The following AGMO variants were observed in gnomAD, a reference collection of about 807,000 sequenced individuals.
The protein encoded by AGMO is alkylglycerol monooxygenase.
In AGMO, 75 loss-of-function variants were observed where a neutral mutation model predicts 60.2. The observed-to-expected ratio is 1.25, with a 90% CI of 1.03 to 1.51. The LOEUF is 1.51. Among genes scored for constraint, AGMO ranks in the 40% most tolerant of loss-of-function variants. The probability of loss-of-function intolerance (pLI) is 0.00; values close to 1 mark genes in which losing one functional copy is unlikely to be tolerated. For synonymous variants in AGMO, 261 were observed against 177.1 expected, an observed-to-expected ratio of 1.47 and a Z score of -3.76; for missense variants, 763 against 525.5, an observed-to-expected ratio of 1.45 and a Z score of -4.42.
intron 12 of AGMO, among the ~76,000 whole-genome samples, chr7:15,207,964 T>G (rs1324311170): frequency 6.6e-6 from 1 of 151,770 alleles, no homozygotes; most frequent in Non-Finnish European, 1.5e-5. Flanking sequence ...AATAAGGAAA[T>G]AAATAAAGTG....
chr7:15,201,511 G>C, intron 12 of AGMO, 152 bp from the exon 13 acceptor site: 5 of 573,912 alleles, frequency 8.7e-6, no homozygotes, highest in Middle Eastern at 9.6e-4. Flanking sequence ...TTCACTGATA[G>C]AACTTAGCCA....
chr7:15,264,532 A>C (rs1783374641), intron 12 of AGMO, among the ~76,000 whole-genome samples: 1 of 152,010 alleles, frequency 6.6e-6, no homozygotes, highest in South Asian at 2.1e-4. Context: ...ATTCTCATTT[A>C]ATCTGACAAA....
intron 6 of AGMO, among the ~76,000 whole-genome samples, chr7:15,391,179 T>C (rs1784121360): frequency 6.6e-6 from 1 of 152,094 alleles, no homozygotes; most frequent in African/African-American, 2.4e-5. Context: ...GGAATAAATG[T>C]AAATAATTTT....
intron 3 of AGMO, among the ~76,000 whole-genome samples, chr7:15,447,868 C>T (rs185930002): frequency 5.3e-5 from 8 of 152,262 alleles, no homozygotes; most frequent in Admixed American, 5.2e-4. Flanking sequence ...GTTCTCACTT[C>T]TATGAGTGAG....
chr7:15,348,866 G>GA (rs201690400), intron 12 of AGMO, among the ~76,000 whole-genome samples: 145 of 150,106 alleles, frequency 9.7e-4, no homozygotes, highest in Admixed American at 2.7e-3. Flanking sequence ...TTAGCAAACT[G>GA]AAAAAAAAAT....
chr7:15,260,751 A>G (rs761711200), intron 12 of AGMO, among the ~76,000 whole-genome samples: 111 of 152,130 alleles, frequency 7.3e-4, no homozygotes, highest in Admixed American at 2.8e-3. Flanking sequence ...TTCAAGGTAC[A>G]TCATATGATG....
chr7:15,357,529 T>G (rs551372117), intron 12 of AGMO, among the ~76,000 whole-genome samples: 1 of 152,296 alleles, frequency 6.6e-6, no homozygotes, highest in East Asian at 1.9e-4. Flanking sequence ...TCCCCACCCT[T>G]TGATTTTCGG....
intron 12 of AGMO, among the ~76,000 whole-genome samples, chr7:15,272,325 C>T (rs902583801): frequency 3.3e-4 from 47 of 143,966 alleles, no homozygotes; most frequent in Non-Finnish European, 5.4e-4. Flanking sequence ...CTCCCCTTCC[C>T]GTGTCCAAGT....
At chr7:15,165,974 T>C in the AGMO span, among the ~76,000 whole-genome samples, 1 of 152,184 alleles carries the variant, frequency 6.6e-6, no homozygotes, top group South Asian at 2.1e-4. Flanking sequence ...AATATTCATA[T>C]GAAATCTTAC....
chr7:15,227,318 A>G (rs185007084), intron 12 of AGMO, among the ~76,000 whole-genome samples: 2 of 152,100 alleles, frequency 1.3e-5, no homozygotes, highest in Admixed American at 1.3e-4. Context: ...CTGATCAACC[A>G]TGTCCATGTA....
chr7:15,195,301 G>GAA, the AGMO span, among the ~76,000 whole-genome samples: 1 of 152,192 alleles, frequency 6.6e-6, no homozygotes, highest in Non-Finnish European at 1.5e-5. Flanking sequence ...ATAGGAGCAA[G>GAA]AAAGAGAAAA....
chr7:15,358,247 T>A (rs1004334644), intron 12 of AGMO: 1 of 256,488 alleles, frequency 3.9e-6, no homozygotes, highest in Non-Finnish European at 8.3e-6. Context: ...ATTGAATAGA[T>A]CAATAAAAAT....
At chr7:15,368,659 T>C (rs376567325) in intron 10 of AGMO, among the ~76,000 whole-genome samples, 1 of 152,082 alleles carries the variant, frequency 6.6e-6, no homozygotes, top group Non-Finnish European at 1.5e-5. Flanking sequence ...ATGGTTAGTA[T>C]TATTGTTACT....
intron 5 of AGMO, among the ~76,000 whole-genome samples, chr7:15,407,938 C>T (rs1424035202): frequency 2.4e-4 from 36 of 151,736 alleles, no homozygotes; most frequent in Admixed American, 2.2e-3. Flanking sequence ...AAACAGAGCT[C>T]GTGCTCCTAA....
At chr7:15,401,367 AAGT>A (rs1488744653) in intron 5 of AGMO, among the ~76,000 whole-genome samples, 1 of 152,108 alleles carries the variant, frequency 6.6e-6, no homozygotes, top group Non-Finnish European at 1.5e-5. Flanking sequence ...GCTTGGTTAA[AAGT>A]AGAGATGCAA....
At chr7:15,526,600 T>C (rs1784134782) in intron 3 of AGMO, among the ~76,000 whole-genome samples, 1 of 152,204 alleles carries the variant, frequency 6.6e-6, no homozygotes, top group Non-Finnish European at 1.5e-5. Flanking sequence ...CTTCTTGGGT[T>C]TGTGTTTTCC....
intron 5 of AGMO, among the ~76,000 whole-genome samples, chr7:15,405,542 A>T (rs1258257429): frequency 6.6e-6 from 1 of 151,894 alleles, no homozygotes; most frequent in East Asian, 1.9e-4. Context: ...CATGCAGGTG[A>T]CCCTACCCTT....
the AGMO span, among the ~76,000 whole-genome samples, chr7:15,176,345 C>T: frequency 6.6e-6 from 1 of 151,838 alleles, no homozygotes; most frequent in African/African-American, 2.4e-5. Context: ...ACAACTGACT[C>T]AGTTTTTCCC....
At chr7:15,154,099 G>A in the AGMO span, among the ~76,000 whole-genome samples, 1 of 152,070 alleles carries the variant, frequency 6.6e-6, no homozygotes, top group Non-Finnish European at 1.5e-5. Flanking sequence ...GTTACTGTTT[G>A]CTGATGATAT....
Sources: gnomAD v4.1 joint callset for allele counts (sites outside exome capture counted in the v4.1 genomes callset) on GRCh38, gnomAD v4.1.1 for gene constraint, MANE v1.5 for transcripts, NCBI Gene and HGNC (gene_info 2026-07-23, HGNC 2026-07-21) for gene names.